SLC25A33: variants seen among roughly 807,000 people sequenced by gnomAD.
The protein encoded by SLC25A33 is solute carrier family 25 member 33, also known as bone marrow stromal cell mitochondrial carrier protein.
In SLC25A33, 15 loss-of-function variants were observed where a neutral mutation model predicts 35.5. The ratio of observed to expected loss-of-function variants is 0.42; its 90% CI spans 0.28 to 0.65. SLC25A33 has a LOEUF of 0.65. Among genes scored for constraint, SLC25A33 ranks in the 30% least tolerant of loss-of-function variants. The pLI is 0.20. For missense variants in SLC25A33, 257 were observed against 398.5 expected, an observed-to-expected ratio of 0.64 and a Z score of 3.02; for synonymous variants, 136 against 148.7, an observed-to-expected ratio of 0.91 and a Z score of 0.62.
chr1:9,575,212 CAAAAAAAAA>C (rs909942057), intron 5 of SLC25A33, among the ~76,000 whole-genome samples: 4 of 58,730 alleles, frequency 6.8e-5, no homozygotes, highest in Non-Finnish European at 1.0e-4. Context: ...GACTCTGGCT[CAAAAAAAAA>C]AAAAAAAAAA....
intron 5 of SLC25A33, among the ~76,000 whole-genome samples, 169 bp from the exon 6 acceptor site, chr1:9,579,785 G>A (rs569366912): frequency 1.3e-5 from 2 of 152,248 alleles, no homozygotes; most frequent in East Asian, 1.9e-4. Context: ...CTGCCCCTGC[G>A]GCCTCACACA....
At chr1:9,554,152 A>T (rs749362652) in intron 2 of SLC25A33, among the ~76,000 whole-genome samples, 1 of 152,222 alleles carries the variant, frequency 6.6e-6, no homozygotes, top group Non-Finnish European at 1.5e-5. Context: ...ATTGCACAAC[A>T]GAAGAGTTGT....
chr1:9,582,225 G>C lies in SLC25A33; in HGVS notation c.764-74G>C. ...CACCGCACCCGGCCTAACCTTGACA[G>C]TTTTAAAGTTGTGTGCTGTGGATTC... On this transcript the variant is annotated intron_variant, in intron 6 of 6. Coordinates refer to ENST00000302692, the MANE Select transcript of SLC25A33 (RefSeq NM_032315.3). This position sits in a 1 kb window ranked among gnomAD's most constrained non-coding sequence, Gnocchi z 4.0. 6.5e-7 allele frequency: 1 copy of C among 1,543,874 alleles called. No individual in the cohort carries two copies. Among genetic ancestry groups the C allele is most frequent in the Admixed American group, 1.7e-5 (1 of 59,470 alleles).
intron 5 of SLC25A33, among the ~76,000 whole-genome samples, chr1:9,579,408 A>G (rs1643706562): frequency 6.7e-6 from 1 of 149,902 alleles, no homozygotes; most frequent in Admixed American, 6.7e-5. Flanking sequence ...GGTTCCCATG[A>G]CCCTCTCTTT....
At chr1:9,549,621 CTT>C (rs869101305) in intron 1 of SLC25A33, among the ~76,000 whole-genome samples, 31 of 135,094 alleles carry the variant, frequency 2.3e-4, no homozygotes, top group Admixed American at 3.0e-4. Context: ...CATCACAAAC[CTT>C]TTTTTTTTTT....
At chr1:9,541,647 T>G (rs2100363694) in intron 1 of SLC25A33, among the ~76,000 whole-genome samples, 1 of 151,068 alleles carries the variant, frequency 6.6e-6, no homozygotes, top group Non-Finnish European at 1.5e-5. Context: ...AGCCACTCTA[T>G]ATAAATTTGT....
chr1:9,556,029 C>T (rs982388478), intron 2 of SLC25A33, among the ~76,000 whole-genome samples: 2 of 152,064 alleles, frequency 1.3e-5, no homozygotes, highest in African/African-American at 4.8e-5. Context: ...GGAGTGGAGA[C>T]ACTGGGCAGG....
Position 9,579,978 on chromosome 1 carries a change from T to C in SLC25A33, c.507T>C (p.Asn169=). 6.2e-7 allele frequency: 1 copy of C among 1,613,594 alleles called. No individual in the cohort carries two copies. Among genetic ancestry groups the C allele is most frequent in the Non-Finnish European group, 8.5e-7 (1 of 1,179,744 alleles). ...EQKVRGSKQM[N]TLQCARYVYQ... is the part of the protein sequence containing the mutation. ...GAGTGAGGGGCTCTAAGCAGATGAA[T>C]ACACTCCAGTGTGCTCGTTACGTTT... Residue 169 remains asparagine (N), a synonymous_variant, in exon 6 of 7, where the codon AAT becomes AAC. Coordinates refer to ENST00000302692, the MANE Select transcript of SLC25A33 (RefSeq NM_032315.3).
intron 2 of SLC25A33, among the ~76,000 whole-genome samples, chr1:9,555,100 G>A (rs6660810): frequency 0.39 from 56,552 of 145,998 alleles, 14,524 homozygotes; most frequent in East Asian, 0.9. Context: ...TAAAAACAAC[G>A]CATTTAGCAC....
At chr1:9,566,232 G>T (rs1463077371) in intron 2 of SLC25A33, among the ~76,000 whole-genome samples, 2 of 151,986 alleles carry the variant, frequency 1.3e-5, no homozygotes, top group Non-Finnish European at 2.9e-5. Flanking sequence ...TATAGATGGG[G>T]TTTATACTGT....
chr1:9,545,917 C>G (rs538340965), intron 1 of SLC25A33, among the ~76,000 whole-genome samples: 270 of 151,072 alleles, frequency 1.8e-3, no homozygotes, highest in Middle Eastern at 6.9e-3. Context: ...GAGCCGAGAT[C>G]GCGCCACTGC....
At chr1:9,544,368 A>G (rs910041233) in intron 1 of SLC25A33, among the ~76,000 whole-genome samples, 1 of 151,262 alleles carries the variant, frequency 6.6e-6, no homozygotes, top group Non-Finnish European at 1.5e-5. Context: ...TCCCGGGTTC[A>G]AGCAATTCTC....
chr1:9,543,741 A>G lies in SLC25A33; in HGVS notation c.56+3994A>G, dbSNP rs184914138. ...ATTGGATGCTTTGGCTCTTATTTTT[A>G]TGGCATGCTTTTTTGTTTTGCCATC... On this transcript the variant is annotated intron_variant, in intron 1 of 6. Coordinates refer to ENST00000302692, the MANE Select transcript of SLC25A33 (RefSeq NM_032315.3). Among the ~76,000 whole-genome samples, 5 of 152,216 alleles carry G rather than the reference A, an allele frequency of 3.3e-5. No homozygotes were observed. In the East Asian group the frequency reaches 7.7e-4, roughly 23 times the overall value.
intron 2 of SLC25A33, among the ~76,000 whole-genome samples, chr1:9,563,846 G>A (rs1643460666): frequency 6.6e-6 from 1 of 151,976 alleles, no homozygotes; most frequent in Admixed American, 6.6e-5. Flanking sequence ...TTTTAGTAGA[G>A]ACGGGGTTTC....
chr1:9,557,625 A>C (rs1223657779), intron 2 of SLC25A33, among the ~76,000 whole-genome samples: 1 of 152,204 alleles, frequency 6.6e-6, no homozygotes, highest in Non-Finnish European at 1.5e-5. Context: ...AATATAACTG[A>C]GCATGATATT....
At chr1:9,543,458 C>T (rs1643124976) in intron 1 of SLC25A33, among the ~76,000 whole-genome samples, 1 of 152,168 alleles carries the variant, frequency 6.6e-6, no homozygotes, top group Non-Finnish European at 1.5e-5. Flanking sequence ...CATTCCTTTT[C>T]TATTGTTTAA....
intron 1 of SLC25A33, among the ~76,000 whole-genome samples, chr1:9,542,734 C>G (rs1643104770): frequency 6.6e-6 from 1 of 152,236 alleles, no homozygotes; most frequent in Non-Finnish European, 1.5e-5. Flanking sequence ...ATTGCATAGC[C>G]ATTGGAAACT....
intron 1 of SLC25A33, among the ~76,000 whole-genome samples, chr1:9,543,530 T>A (rs1318926201): frequency 6.6e-6 from 1 of 152,206 alleles, no homozygotes; most frequent in Non-Finnish European, 1.5e-5. Context: ...GTAGGCTTGA[T>A]TTGCCAAAGA....
intron 1 of SLC25A33, among the ~76,000 whole-genome samples, chr1:9,541,613 C>G (rs1643082738): frequency 1.3e-5 from 2 of 150,534 alleles, no homozygotes; most frequent in Non-Finnish European, 3.0e-5. Flanking sequence ...CAGAGTAACA[C>G]AAGGGGGAAG....
Sources: allele counts gnomAD v4.1 joint callset (sites outside exome capture counted in the v4.1 genomes callset), GRCh38; gene constraint gnomAD v4.1.1; non-coding constraint Gnocchi (gnomAD v3.1); transcripts MANE v1.5; gene names NCBI Gene and HGNC (gene_info 2026-07-23, HGNC 2026-07-21).